TTC17: variants seen among roughly 807,000 people sequenced by gnomAD.
TTC17 encodes the protein tetratricopeptide repeat domain 17.
In TTC17, 58 loss-of-function variants were observed where a neutral mutation model predicts 143.8. The observed-to-expected ratio is 0.40, with a 90% confidence interval of 0.33 to 0.50. The LOEUF (loss-of-function observed/expected upper bound fraction) is 0.50. TTC17 is among the 20% of genes least tolerant of loss of function. The probability of loss-of-function intolerance (pLI) is 0.49; values close to 1 mark genes in which losing one functional copy is unlikely to be tolerated. For synonymous variants in TTC17, 501 were observed against 497.8 expected, an observed-to-expected ratio of 1.01 and a Z score of -0.09; for missense variants, 1,273 against 1,392.5, an observed-to-expected ratio of 0.91 and a Z score of 1.37.
chr11:43,366,539 G>C (rs1856351038), intron 1 of TTC17, among the ~76,000 whole-genome samples: 1 of 151,478 alleles, frequency 6.6e-6, no homozygotes, highest in Admixed American at 6.6e-5. Flanking sequence ...CAGAAATAAT[G>C]CATGGCATTG....
At chr11:43,491,599 G>T (rs1232566734) in intron 22 of TTC17, 1 of 154,518 alleles carries the variant, frequency 6.5e-6, no homozygotes, top group Non-Finnish European at 1.4e-5. Flanking sequence ...ATGGGCCAAA[G>T]TTTGCCAACC....
chr11:43,359,380 T>C, intron 1 of TTC17: 1 of 431,536 alleles, frequency 2.3e-6, no homozygotes, highest in Non-Finnish European at 4.1e-6. Context: ...GTCGCCCAGC[T>C]GCGGGAGACG....
At chr11:43,415,256 T>C (rs1946750400) in intron 16 of TTC17, among the ~76,000 whole-genome samples, 1 of 152,112 alleles carries the variant, frequency 6.6e-6, no homozygotes, top group African/African-American at 2.4e-5. Context: ...AGTGGCATAT[T>C]TTTCTCTTCT....
chr11:43,461,413 A>C (rs1564973550), intron 21 of TTC17, among the ~76,000 whole-genome samples: 1 of 151,008 alleles, frequency 6.6e-6, no homozygotes, highest in African/African-American at 2.4e-5. Flanking sequence ...AAAAAAAAAA[A>C]AAACTAGAAG....
chr11:43,452,795 C>T (rs1458657742), intron 21 of TTC17, among the ~76,000 whole-genome samples: 2 of 151,804 alleles, frequency 1.3e-5, no homozygotes, highest in African/African-American at 4.8e-5. Flanking sequence ...TGCTCACACA[C>T]ACCTGTAGTC....
intron 21 of TTC17, among the ~76,000 whole-genome samples, chr11:43,459,451 T>C (rs971566187): frequency 4.6e-5 from 7 of 152,258 alleles, no homozygotes; most frequent in African/African-American, 1.2e-4. Flanking sequence ...CTGTCCCAAC[T>C]GGCACAGTTA....
chr11:43,484,202 C>T (rs1352337118), intron 21 of TTC17, among the ~76,000 whole-genome samples: 2 of 152,070 alleles, frequency 1.3e-5, no homozygotes, highest in Admixed American at 1.3e-4. Flanking sequence ...AAATGTCATT[C>T]AGAGGTGATA....
intron 1 of TTC17, among the ~76,000 whole-genome samples, chr11:43,366,801 C>T (rs4132523): frequency 0.057 from 8,614 of 152,168 alleles, 269 homozygotes; most frequent in African/African-American, 0.087. Flanking sequence ...CCCACCCTAA[C>T]CCTAGAGTAA....
chr11:43,437,380 G>A (rs542477277), intron 16 of TTC17, among the ~76,000 whole-genome samples: 7 of 152,182 alleles, frequency 4.6e-5, no homozygotes, highest in South Asian at 4.2e-4. Flanking sequence ...TTGCAGTAGC[G>A]TCTTAATTTG....
chr11:43,370,668 A>G (rs933549158), intron 1 of TTC17, among the ~76,000 whole-genome samples: 5 of 152,216 alleles, frequency 3.3e-5, no homozygotes, highest in Admixed American at 2.6e-4. Context: ...TAAATAATAC[A>G]TGTTCACTGT....
chr11:43,441,207 G>A (rs1032134447), intron 16 of TTC17, among the ~76,000 whole-genome samples: 11 of 150,884 alleles, frequency 7.3e-5, no homozygotes, highest in East Asian at 2.0e-4. Context: ...GGAGGCAGAG[G>A]TTTAAGTGAG....
chr11:43,423,848 C>A (rs969590953), intron 16 of TTC17, among the ~76,000 whole-genome samples: 1 of 152,034 alleles, frequency 6.6e-6, no homozygotes, highest in African/African-American at 2.4e-5. Flanking sequence ...GTTTAGAAAT[C>A]ATTGGTGACT....
Position 43,407,360 on chromosome 11 carries a change from C to A in TTC17, c.1847C>A (p.Ala616Asp), listed in dbSNP as rs748325305. ...FLFHAINKPN[A>D]PIWLILNEAG... ...TATTTTTGGATTTTTCAGCCAAATG[C>A]TCCTATCTGGCTCATACTCAATGAA... The change falls in exon 15 of 24, where the codon GCT (alanine) becomes GAT (aspartate). Residue 616 changes from alanine (A) to aspartate (D), a missense_variant. Ala to Asp is a moderately radical substitution (Grantham distance 126). This residue lies in a region of TTC17 where 878 missense variants were observed against 899.8 expected (regional missense o/e 0.98). Transcript: ENST00000039989. The A allele has an allele frequency of 6.2e-7, 1 of 1,613,250 alleles. No individual in the cohort carries two copies. The highest frequency in any genetic ancestry group is 1.1e-5 in the South Asian group (1 of 91,036).
chr11:43,477,156 A>G (rs1034738433), intron 21 of TTC17, among the ~76,000 whole-genome samples: 21 of 152,286 alleles, frequency 1.4e-4, no homozygotes, highest in African/African-American at 3.8e-4. Context: ...AGTTCCCAAC[A>G]AGTTCCCCAT....
At position 43,443,344 on chromosome 11, in the gene TTC17, C is replaced by T. The variant is rs530633730; in HGVS notation, c.2271C>T (p.Ser757=). The change falls in exon 17 of 24, where the codon AGC becomes AGT. Residue 757 remains serine, a synonymous_variant. Transcript: ENST00000039989. The stretch of plus-strand genomic sequence containing the variant: ...TTTCAGGTACGGTGGTTGAGGAGAG[C>T]AATGGTTCTGATGAGATGGAGAATT... ...SVCSGTVVEE[S]NGSDEMENSD... is the part of the protein sequence containing the mutation. The T allele has an allele frequency of 1.2e-6, 2 of 1,613,928 alleles. No homozygotes were observed. The highest frequency in any genetic ancestry group is 2.7e-5 in the African/African-American group (2 of 74,972).
At position 43,397,842 on chromosome 11, in the gene TTC17, C is replaced by T; in HGVS notation, c.919-132C>T. 3 of 1,301,466 alleles carry T rather than the reference C, an allele frequency of 2.3e-6. No individual in the cohort carries two copies. In the South Asian group the frequency reaches 4.4e-5, roughly 19 times the overall value. 80.6% of individuals were successfully genotyped at this position (1,301,466 alleles called of 1,614,324 possible). ...GTAGAGTAAGAGGTAGGTGTGATCT[C>T]ATAAATCATTAGAGGATTTGGACAG... On this transcript the variant is annotated intron_variant, in intron 7 of 23. Coordinates refer to ENST00000039989, the MANE Select transcript of TTC17 (RefSeq NM_018259.6).
chr11:43,400,068 A>G lies in TTC17; in HGVS notation c.1219+20A>G, dbSNP rs753173063. The G allele has an allele frequency of 6.2e-7, 1 of 1,605,100 alleles. No homozygotes were observed. Among genetic ancestry groups the G allele is most frequent in the South Asian group, 1.1e-5 (1 of 89,430 alleles). ...AATTAGGTAAGTAGTGACTCCAAGT[A>G]ATTGAAGACAGGTTAGGAAATTCAC... On this transcript the variant is annotated intron_variant, in intron 9 of 23. Coordinates refer to ENST00000039989, the MANE Select transcript of TTC17 (RefSeq NM_018259.6).
intron 21 of TTC17, among the ~76,000 whole-genome samples, chr11:43,459,939 G>A (rs911761920): frequency 6.6e-5 from 10 of 152,284 alleles, no homozygotes; most frequent in African/African-American, 2.4e-4. Context: ...ATGATGTATG[G>A]TAGGTTACGT....
intron 2 of TTC17, among the ~76,000 whole-genome samples, chr11:43,383,403 G>A (rs1054690661): frequency 6.6e-6 from 1 of 152,162 alleles, no homozygotes; most frequent in African/African-American, 2.4e-5. Context: ...CCAGGCTGGG[G>A]TGCGATGGCG....
Sources: gnomAD v4.1 joint callset for allele counts (sites outside exome capture counted in the v4.1 genomes callset) on GRCh38, gnomAD v4.1.1 for gene constraint, gnomAD v4.1.1 regional missense constraint, MANE v1.5 for transcripts, NCBI Gene and HGNC (gene_info 2026-07-23, HGNC 2026-07-21) for gene names.